HDAC9: variants seen among roughly 807,000 people sequenced by gnomAD.
The protein encoded by HDAC9 is histone deacetylase 9, also known as MEF-2 interacting transcription repressor (MITR) protein.
A neutral mutation model predicts 139.4 loss-of-function variants in HDAC9; 41 were observed. The ratio of observed to expected loss-of-function variants is 0.29; its 90% confidence interval spans 0.23 to 0.38. The LOEUF is 0.38. Among genes scored for constraint, HDAC9 ranks in the 10% least tolerant of loss-of-function variants. The pLI, the probability that HDAC9 is intolerant of heterozygous loss-of-function variation, is 1.00. For synonymous variants in HDAC9, 517 were observed against 476.2 expected, an observed-to-expected ratio of 1.09 and a Z score of -1.12; for missense variants, 1,147 against 1,297.0, an observed-to-expected ratio of 0.88 and a Z score of 1.78.
chr7:18,193,748 T>C (rs1790529967), intron 2 of HDAC9, among the ~76,000 whole-genome samples: 1 of 152,168 alleles, frequency 6.6e-6, no homozygotes, highest in Non-Finnish European at 1.5e-5. Context: ...TGATTTTTTT[T>C]TTCTCTGACT....
At chr7:18,825,917 A>G (rs1188906493) in intron 17 of HDAC9, among the ~76,000 whole-genome samples, 1 of 149,120 alleles carries the variant, frequency 6.7e-6, no homozygotes, top group East Asian at 1.9e-4. Context: ...TATATAATAT[A>G]CATTTTTAAT....
chr7:18,447,769 T>G (rs1380601257), intron 1 of HDAC9, among the ~76,000 whole-genome samples: 2 of 152,188 alleles, frequency 1.3e-5, no homozygotes, highest in Non-Finnish European at 2.9e-5. Flanking sequence ...TTTGATTGCT[T>G]AAAAACTCCT....
intron 1 of HDAC9, among the ~76,000 whole-genome samples, chr7:18,374,464 C>G (rs930717406): frequency 3.9e-5 from 6 of 151,986 alleles, no homozygotes; most frequent in African/African-American, 1.4e-4. Context: ...TAGTCTGTTG[C>G]TCCTAGGCTA....
In HDAC9 at chr7:18,242,106, C is replaced by T. The variant is rs141792985; in HGVS notation, c.25+79757C>T. ...TCCCCAGTCCATGGTAAAGGAATCA[C>T]TGGGTATCTGCTTGTCATTCCCCAA... is the stretch of plus-strand genomic sequence containing the variant. On this transcript the variant is annotated intron_variant, in intron 2 of 12. Coordinates refer to the HDAC9 transcript ENST00000417496. 1.6e-3 allele frequency among the ~76,000 whole-genome samples: 239 copies of T among 152,230 alleles called. 1 individual carries two copies. Among genetic ancestry groups the T allele is most frequent in the African/African-American group, 5.5e-3 (227 of 41,522 alleles).
intron 19 of HDAC9, among the ~76,000 whole-genome samples, chr7:18,831,796 C>CA (rs140010219): frequency 0.03 from 4,231 of 142,256 alleles, 200 homozygotes; most frequent in African/African-American, 0.098. Context: ...TTTCCGTAGC[C>CA]AAAAAAAAAA....
intron 24 of HDAC9, among the ~76,000 whole-genome samples, chr7:18,960,931 T>C (rs951636670): frequency 2.6e-5 from 4 of 152,188 alleles, no homozygotes; most frequent in Non-Finnish European, 5.9e-5. Context: ...CTCATGGGGC[T>C]ATGTACACAA....
intron 2 of HDAC9, among the ~76,000 whole-genome samples, chr7:18,255,563 C>T (rs1313625802): frequency 6.6e-6 from 1 of 151,964 alleles, no homozygotes; most frequent in African/African-American, 2.4e-5. Context: ...ACCTTAAAAG[C>T]CCACAGCTTT....
intron 1 of HDAC9, among the ~76,000 whole-genome samples, chr7:18,408,434 AC>A (rs1788224497): frequency 6.6e-6 from 1 of 152,318 alleles, no homozygotes; most frequent in African/African-American, 2.4e-5. Context: ...TAATAATTCT[AC>A]TAGCTTTCTG....
intron 12 of HDAC9, among the ~76,000 whole-genome samples, chr7:18,720,303 T>G (rs1785044876): frequency 6.6e-6 from 1 of 151,890 alleles, no homozygotes; most frequent in Admixed American, 6.6e-5. Flanking sequence ...AAGTTTGCAT[T>G]TTAATTAATT....
intron 25 of HDAC9, among the ~76,000 whole-genome samples, chr7:18,990,668 G>A (rs1367520570): frequency 6.6e-6 from 1 of 152,240 alleles, no homozygotes; most frequent in African/African-American, 2.4e-5. Flanking sequence ...CTTGCAGTTT[G>A]ATCTCAGACT....
At chr7:18,447,516 C>T (rs1792404796) in intron 1 of HDAC9, among the ~76,000 whole-genome samples, 1 of 152,088 alleles carries the variant, frequency 6.6e-6, no homozygotes, top group Admixed American at 6.6e-5. Context: ...GAAATGCAGC[C>T]ACGTCCATAA....
chr7:18,433,444 A>T (rs1790868271), intron 1 of HDAC9, among the ~76,000 whole-genome samples: 1 of 152,226 alleles, frequency 6.6e-6, no homozygotes, highest in South Asian at 2.1e-4. Flanking sequence ...GAAGAGAGGA[A>T]GTCAAACTAT....
intron 1 of HDAC9, among the ~76,000 whole-genome samples, chr7:18,478,936 A>G (rs189088521): frequency 2.0e-4 from 31 of 151,922 alleles, no homozygotes; most frequent in Non-Finnish European, 1.5e-4. Context: ...CTTTTCCATC[A>G]CTTGCCTATT....
chr7:18,759,877 A>G (rs937251742), intron 14 of HDAC9, among the ~76,000 whole-genome samples: 1 of 152,220 alleles, frequency 6.6e-6, no homozygotes, highest in Non-Finnish European at 1.5e-5. Flanking sequence ...GCAAATTTAC[A>G]TGACTAGTGT....
At chr7:18,175,667 A>G (rs1308348420) in intron 2 of HDAC9, among the ~76,000 whole-genome samples, 1 of 152,180 alleles carries the variant, frequency 6.6e-6, no homozygotes, top group Non-Finnish European at 1.5e-5. Context: ...TAATATCCAA[A>G]TGAAAGACTC....
intron 1 of HDAC9, among the ~76,000 whole-genome samples, chr7:18,138,567 C>G (rs1785639528): frequency 9.1e-6 from 1 of 109,942 alleles, no homozygotes; most frequent in Non-Finnish European, 2.2e-5. Context: ...TGTGTGTGCA[C>G]ATGCTCATTT....
chr7:18,499,506 G>C (rs1187191357), intron 2 of HDAC9, among the ~76,000 whole-genome samples: 2 of 152,074 alleles, frequency 1.3e-5, no homozygotes, highest in Non-Finnish European at 2.9e-5. Flanking sequence ...CCCTACTTTT[G>C]TGGCTTGTGT....
At chr7:18,941,298 A>AAG (rs1476049267) in intron 23 of HDAC9, among the ~76,000 whole-genome samples, 13 of 151,462 alleles carry the variant, frequency 8.6e-5, no homozygotes, top group African/African-American at 2.9e-4. Context: ...GAGTATGCTC[A>AAG]GCTGCTTCTA....
Position 18,555,545 on chromosome 7 carries a change from C to T in HDAC9, c.23-29736C>T, listed in dbSNP as rs1001239964. Reference sequence around the variant, plus strand: ...ATAATATAGCTACAATACAATATGACTATATTACCTCATTTTAGTATACAC... The same window carrying T: ...ATAATATAGCTACAATACAATATGATTATATTACCTCATTTTAGTATACAC... On this transcript the variant is annotated intron_variant, in intron 2 of 25. Transcript: ENST00000686413. 2.0e-5 allele frequency among the ~76,000 whole-genome samples: 3 copies of T among 151,950 alleles called. No homozygotes were observed. The South Asian group carries it at 6.2e-4, about 31-fold the overall frequency.
Sources: allele counts gnomAD v4.1 joint callset (sites outside exome capture counted in the v4.1 genomes callset), GRCh38; gene constraint gnomAD v4.1.1; transcripts MANE v1.5; gene names NCBI Gene and HGNC (gene_info 2026-07-23, HGNC 2026-07-21).